Variants in MMP10 observed in about 807,000 individuals in gnomAD.
MMP10 encodes matrix metallopeptidase 10, also known as stromelysin-2.
MMP10 carries 50 observed loss-of-function variants against 49.1 expected under a neutral mutation model. The ratio of observed to expected loss-of-function variants is 1.02; its 90% CI spans 0.81 to 1.29. The LOEUF is 1.29. MMP10 is among the 50% of genes most tolerant of loss of function. The pLI is 0.00. For synonymous variants in MMP10, 229 were observed against 201.6 expected (o/e 1.14, Z -1.15); for missense variants, 613 against 563.8 (o/e 1.09, Z -0.88).
Position 102,777,480 on chromosome 11 carries a change from C to A in MMP10, c.623-704G>T, listed in dbSNP as rs1238645508. Among the ~76,000 whole-genome samples, 6 of 152,166 alleles carry A rather than the reference C, an allele frequency of 3.9e-5. No homozygotes were observed. In the East Asian group the frequency reaches 1.2e-3, roughly 29 times the overall value. On this transcript the variant is annotated intron_variant, in intron 4 of 9. Coordinates refer to ENST00000279441, the MANE Select transcript of MMP10 (RefSeq NM_002425.3). Reference sequence around the variant, plus strand: ...ATGTTGGCTAGGCTGGTCTCAAACTCCTGGTCTCAAGTGATTCACCCAACT... The same window carrying A: ...ATGTTGGCTAGGCTGGTCTCAAACTACTGGTCTCAAGTGATTCACCCAACT...
intron 7 of MMP10, among the ~76,000 whole-genome samples, chr11:102,774,378 A>G (rs538469059): frequency 1.9e-4 from 29 of 152,198 alleles, no homozygotes; most frequent in African/African-American, 7.0e-4. Flanking sequence ...ATTAAACGGG[A>G]AATCAAAATA....
Position 102,772,760 on chromosome 11 carries a change from T to A in MMP10, c.1226+87A>T. 2 of 1,326,742 alleles carry A rather than the reference T, an allele frequency of 1.5e-6. No individual in the cohort carries two copies. Among genetic ancestry groups the A allele is most frequent in the Non-Finnish European group, 2.1e-6 (2 of 974,804 alleles). The allele number at this position is 1,326,742 out of a possible 1,614,324, so 82.2% of individuals were successfully genotyped here. ...TTTGAAGTTAGAGAAAGTTAGAGGG[T>A]GGGTGTAGGGTAGGGAAATATCCTT... is the stretch of plus-strand genomic sequence containing the variant. On this transcript the variant is annotated intron_variant, in intron 8 of 9. Transcript: ENST00000279441. This position sits in a 1 kb window ranked among gnomAD's most constrained non-coding sequence, Gnocchi z 4.4.
rs1861982128 is a variant in MMP10 at position 102,772,128 on chromosome 11, A to G, written c.1227-13T>C. On this transcript the variant is annotated splice_polypyrimidine_tract_variant and intron_variant, in intron 8 of 9. Transcript: ENST00000279441. This position sits in a 1 kb window ranked among gnomAD's most constrained non-coding sequence, Gnocchi z 4.4. ...ATTTTCATCAAATCTAAACCAAATG[A>G]AAGAAATACAGTTCAATGATGTGCA... is the stretch of plus-strand genomic sequence containing the variant. 1 of 1,507,246 alleles carries G rather than the reference A, an allele frequency of 6.6e-7. No homozygotes were observed. Among genetic ancestry groups the G allele is most frequent in the South Asian group, 1.1e-5 (1 of 88,712 alleles). 93.4% of individuals were successfully genotyped at this position (1,507,246 alleles called of 1,614,324 possible). A position where few individuals can be genotyped will look rare whatever the true frequency, so the allele number is the denominator to read the frequency against.
At chr11:102,777,877 G>A (rs536849473) in intron 4 of MMP10, among the ~76,000 whole-genome samples, 22 of 151,692 alleles carry the variant, frequency 1.5e-4, no homozygotes, top group Non-Finnish European at 2.5e-4. Context: ...GTACAATCTC[G>A]GCTCACTGCA....
intron 7 of MMP10, among the ~76,000 whole-genome samples, chr11:102,773,889 C>T (rs1453490361): frequency 2.0e-5 from 3 of 152,192 alleles, no homozygotes; most frequent in Non-Finnish European, 4.4e-5. Context: ...AGAATATGAG[C>T]CCTTTTCAGT....
At position 102,776,655 on chromosome 11, in the gene MMP10, G is replaced by C; in HGVS notation, c.744C>G (p.Phe248Leu). The C allele has an allele frequency of 2.5e-6, 4 of 1,613,718 alleles. 1 individual carries two copies. In the Middle Eastern group the frequency reaches 6.6e-4, roughly 267 times the overall value. ...CATTCACATCATCTTGCGAAAGGCG[G>C]AACTGGGCGAGCTCTGTGAATGAGT... Reference protein sequence around the residue: ...LYNSFTELAQFRLSQDDVNGI... With the variant: ...LYNSFTELAQLRLSQDDVNGI... Residue 248 changes from phenylalanine (F) to leucine (L), a missense_variant, in exon 5 of 10, where the codon TTC (phenylalanine) becomes TTG (leucine). Coordinates refer to ENST00000279441, the MANE Select transcript of MMP10 (RefSeq NM_002425.3).
intron 6 of MMP10, 114 bp from the exon 7 acceptor site, chr11:102,775,435 C>T (rs547635805): frequency 1.9e-5 from 14 of 730,322 alleles, no homozygotes; most frequent in Middle Eastern, 4.1e-4. Flanking sequence ...TGTATTAAAC[C>T]ATCCTCCTGC....
At chr11:102,770,939 C>T in intron 9 of MMP10, 46 bp from the exon 10 acceptor site, 1 of 1,221,512 alleles carries the variant, frequency 8.2e-7, no homozygotes, top group Non-Finnish European at 1.2e-6. Flanking sequence ...TCAAATATGT[C>T]ATTTTGCAAC....
At chr11:102,774,195 T>C (rs773710741) in intron 7 of MMP10, among the ~76,000 whole-genome samples, 24 of 152,158 alleles carry the variant, frequency 1.6e-4, no homozygotes, top group Non-Finnish European at 3.5e-4. Context: ...ATATCGAAAT[T>C]TGCTGGATGA....
intron 9 of MMP10, among the ~76,000 whole-genome samples, 160 bp downstream of exon 9, chr11:102,771,852 C>A (rs532318296): frequency 4.0e-5 from 6 of 151,452 alleles, no homozygotes; most frequent in Admixed American, 3.9e-4. Context: ...CAAATTTAAA[C>A]CCACTTTGCA....
chr11:102,770,784 CT>C lies in MMP10; in HGVS notation c.*8del, dbSNP rs1565453678. The stretch of plus-strand genomic sequence containing the variant: ...AAAAACACCCATATCTGTCTTCCCC[CT>C]ATCTCGCCTAGCAATGTAACCAGCT... On this transcript the variant is annotated 3_prime_UTR_variant, in exon 10 of 10. Transcript: ENST00000279441. 1.3e-6 allele frequency: 2 copies of C among 1,562,056 alleles called. No individual in the cohort carries two copies. The highest frequency in any genetic ancestry group is 8.8e-7 in the Non-Finnish European group (1 of 1,140,180).
chr11:102,773,598 T>C (rs1331525159), intron 7 of MMP10, among the ~76,000 whole-genome samples: 1 of 152,256 alleles, frequency 6.6e-6, no homozygotes, highest in Non-Finnish European at 1.5e-5. Flanking sequence ...TCTTGCTTCG[T>C]CTGAACCGAA....
intron 9 of MMP10, 67 bp from the exon 10 acceptor site, chr11:102,770,960 T>G: frequency 9.6e-7 from 1 of 1,041,748 alleles, no homozygotes; most frequent in Non-Finnish European, 1.5e-6. Context: ...ACATATAACT[T>G]AGATTAAGTA....
chr11:102,776,360 C>T lies in MMP10; in HGVS notation c.852G>A (p.Glu284=), dbSNP rs1315357629. ...VPTKSVPSGS[E]MPAKCDPALS... is the part of the protein sequence containing the mutation. ...AAGCAGGATCACACTTGGCTGGCAT[C>T]TCAGATCCCGAAGGAACAGATTTTG... The change falls in exon 6 of 10, where the codon GAG becomes GAA. Residue 284 remains glutamate, a synonymous_variant. Coordinates refer to ENST00000279441, the MANE Select transcript of MMP10 (RefSeq NM_002425.3). 4 of 1,613,896 alleles carry T rather than the reference C, an allele frequency of 2.5e-6. No individual in the cohort carries two copies. The highest frequency in any genetic ancestry group is 1.7e-4 in the Middle Eastern group (1 of 6,056).
intron 6 of MMP10, 98 bp downstream of exon 6, chr11:102,776,182 C>T (rs17860975): frequency 2.3e-5 from 25 of 1,106,672 alleles, no homozygotes; most frequent in Non-Finnish European, 9.0e-6. Flanking sequence ...TACCCCTGAA[C>T]CTAAAATTAA....
chr11:102,779,407 T>A, intron 2 of MMP10, 46 bp from the exon 3 acceptor site: 6 of 1,609,026 alleles, frequency 3.7e-6, no homozygotes, highest in Non-Finnish European at 5.1e-6. Context: ...CCTGCCTTTA[T>A]GAAAAATTGT....
chr11:102,779,459 C>T, intron 2 of MMP10, 45 bp downstream of exon 2: 1 of 1,610,840 alleles, frequency 6.2e-7, no homozygotes, highest in Non-Finnish European at 8.5e-7. Flanking sequence ...TGACGAGTAA[C>T]TTATAAGGTT....
At chr11:102,777,644 C>T (rs907297966) in intron 4 of MMP10, among the ~76,000 whole-genome samples, 4 of 152,014 alleles carry the variant, frequency 2.6e-5, no homozygotes, top group African/African-American at 9.7e-5. Flanking sequence ...CAGAAACATG[C>T]CCAATAACAG....
Position 102,770,865 on chromosome 11 carries a change from T to C in MMP10, c.1359A>G (p.Ser453=). The C allele has an allele frequency of 6.2e-7, 1 of 1,612,794 alleles. No homozygotes were observed. The highest frequency in any genetic ancestry group is 1.1e-5 in the South Asian group (1 of 90,852). ...TGGCATTGGGGTCAAACTCAAACTG[T>C]GATGATCCACTGAAGAAGTAGAAAA... ...FGFFYFFSGS[S]QFEFDPNARM... The change falls in exon 10 of 10, where the codon TCA becomes TCG. Residue 453 remains serine (S), a synonymous_variant. Coordinates refer to ENST00000279441, the MANE Select transcript of MMP10 (RefSeq NM_002425.3).
Sources: gnomAD v4.1 joint callset for allele counts (sites outside exome capture counted in the v4.1 genomes callset) on GRCh38, gnomAD v4.1.1 for gene constraint, Gnocchi (gnomAD v3.1) non-coding constraint, MANE v1.5 for transcripts, NCBI Gene and HGNC (gene_info 2026-07-23, HGNC 2026-07-21) for gene names.